The following TTC19 variants were observed in gnomAD, a reference collection of about 807,000 sequenced individuals.
TTC19 encodes tetratricopeptide repeat protein 19, mitochondrial.
Under a neutral mutation model 49.5 loss-of-function variants are expected in TTC19, and 38 were observed. The ratio of observed to expected loss-of-function variants is 0.77; its 90% CI spans 0.59 to 1.01. The LOEUF (loss-of-function observed/expected upper bound fraction) is 1.01, where lower values mean the gene tolerates loss of function less well. Among genes scored for constraint, TTC19 ranks in the 50% least tolerant of loss-of-function variants. The pLI, the probability that TTC19 is intolerant of heterozygous loss-of-function variation, is 0.00. For synonymous variants in TTC19, 204 were observed against 185.2 expected (o/e 1.10, Z -0.83); for missense variants, 475 against 477.7 (o/e 0.99, Z 0.05).
Position 15,999,836 on chromosome 17 carries a change from A to G in TTC19, c.-13A>G, listed in dbSNP as rs1009121445. On this transcript the variant is annotated 5_prime_UTR_variant, in exon 1 of 10. Transcript: ENST00000261647. ...GCGTCTGGCCTGCAGTGCGCAGAGG[A>G]CGCGGCGGGAGCATGTTCCGGCTCC... The G allele has an allele frequency of 2.0e-6, 3 of 1,532,738 alleles. No individual in the cohort carries two copies. The highest frequency in any genetic ancestry group is 1.7e-6 in the Non-Finnish European group (2 of 1,147,968). The allele number at this position is 1,532,738 out of a possible 1,614,324, so 94.9% of individuals were successfully genotyped here.
intron 2 of TTC19, 84 bp from the exon 3 acceptor site, chr17:16,001,830 GA>G: frequency 1.2e-6 from 1 of 864,472 alleles, no homozygotes; most frequent in South Asian, 1.4e-5. Flanking sequence ...TATCAGTTGG[GA>G]TGTACAGTTG....
At chr17:16,003,765 A>C in intron 4 of TTC19, 66 bp from the exon 5 acceptor site, 1 of 1,399,322 alleles carries the variant, frequency 7.1e-7, no homozygotes, top group Non-Finnish European at 9.9e-7. Context: ...CTTAGAATCC[A>C]GGGTCATATA....
At position 16,020,978 on chromosome 17, in the gene TTC19, C is replaced by T. The variant is rs146713750; in HGVS notation, c.677-4039C>T. Among the ~76,000 whole-genome samples, 464 of 152,278 alleles carry T rather than the reference C, an allele frequency of 3.0e-3. 4 individuals carry two copies. Among genetic ancestry groups the T allele is most frequent in the African/African-American group, 0.01 (431 of 41,550 alleles). On this transcript the variant is annotated intron_variant, in intron 7 of 9. Coordinates refer to ENST00000261647, the MANE Select transcript of TTC19 (RefSeq NM_017775.4). ...ACAGGATTGCAGGTGTGAGCCACCA[C>T]GCCTAGCCCTTTTATAATTCCTTCT...
chr17:16,041,404 CTTTTTTTTTTT>C (rs3031059), intron 2 of TTC19: 2 of 103,790 alleles, frequency 1.9e-5, no homozygotes, highest in Non-Finnish European at 3.8e-5. Flanking sequence ...TGTGAAAGTT[CTTTTTTTTTTT>C]TTTTTTTCCT....
rs949439580 is a variant in TTC19, at chr17:16,044,799, T to C, written c.*244T>C. ...GCCAATGTCAACATTGGGAGCCTCA[T>C]CTACAATGTAGGGGCTGGTGGACCT... is the stretch of plus-strand genomic sequence containing the variant. On this transcript the variant is annotated 3_prime_UTR_variant, in exon 3 of 3. Transcript: ENST00000470649. The C allele has an allele frequency of 7.1e-5, 79 of 1,118,304 alleles. 1 individual carries two copies. In the African/African-American group the frequency reaches 9.8e-4, roughly 14 times the overall value. 69.3% of individuals were successfully genotyped at this position (1,118,304 alleles called of 1,614,324 possible).
chr17:16,024,803 A>G (rs1424095080), intron 7 of TTC19: 1 of 574,590 alleles, frequency 1.7e-6, no homozygotes, highest in Non-Finnish European at 3.1e-6. Context: ...TAAAAATAAC[A>G]TTCCACATTT....
At position 16,027,807 on chromosome 17, in the gene TTC19, T is replaced by C. The variant is rs750009953; in HGVS notation, c.*285T>C. 1.2e-4 allele frequency: 61 copies of C among 515,158 alleles called. No individual in the cohort carries two copies. Among genetic ancestry groups the C allele is most frequent in the Middle Eastern group, 5.4e-4 (1 of 1,842 alleles). 31.9% of individuals were successfully genotyped at this position (515,158 alleles called of 1,614,324 possible). A position where few individuals can be genotyped will look rare whatever the true frequency, so the allele number is the denominator to read the frequency against. On this transcript the variant is annotated 3_prime_UTR_variant, in exon 10 of 10. Transcript: ENST00000261647. ...GTCCCTGCTGGTCTAAGTAGAACTG[T>C]AGATTCATATGGGCTGGTGTTCCTG...
chr17:16,035,875 C>T (rs1409407790), intron 2 of TTC19, among the ~76,000 whole-genome samples: 1 of 152,102 alleles, frequency 6.6e-6, no homozygotes, highest in Admixed American at 6.6e-5. Flanking sequence ...TGCAGTGACT[C>T]CCTCCACTGA....
At position 16,002,215 on chromosome 17, in the gene TTC19, G is replaced by C. The variant is rs530609915; in HGVS notation, c.423+190G>C. Among the ~76,000 whole-genome samples the C allele has an allele frequency of 1.7e-4, 26 of 152,282 alleles. 1 individual carries two copies. The highest frequency in any genetic ancestry group is 6.0e-4 in the African/African-American group (25 of 41,552). On this transcript the variant is annotated intron_variant, in intron 3 of 9. Transcript: ENST00000261647. Reference sequence around the variant, plus strand: ...TTTTTTTGAGATGGAGCCTCACTCTGTTGCCCAGGCTGCAGTGCAGTGGCA... The same window carrying C: ...TTTTTTTGAGATGGAGCCTCACTCTCTTGCCCAGGCTGCAGTGCAGTGGCA...
At chr17:16,030,353 C>A, downstream of TTC19, 1 of 218,430 alleles carries the variant, frequency 4.6e-6, no homozygotes, top group Admixed American at 5.8e-5. Context: ...AGTTCAAACC[C>A]GTGTTGTTCA....
chr17:16,009,941 G>T (rs934011132), intron 7 of TTC19, among the ~76,000 whole-genome samples: 2 of 151,954 alleles, frequency 1.3e-5, no homozygotes, highest in African/African-American at 4.8e-5. Context: ...CAAAATACAG[G>T]CAGTGATTCT....
intron 6 of TTC19, 81 bp from the exon 7 acceptor site, chr17:16,006,391 CAA>C (rs1347619438): frequency 1.9e-6 from 2 of 1,032,282 alleles, no homozygotes; most frequent in African/African-American, 1.6e-5. Context: ...GCCTGGGCAA[CAA>C]GAGCGAAACT....
At chr17:16,021,645 A>G (rs1016813270) in intron 7 of TTC19, among the ~76,000 whole-genome samples, 34 of 151,896 alleles carry the variant, frequency 2.2e-4, no homozygotes, top group Admixed American at 2.2e-3. Flanking sequence ...GAAAAAAATT[A>G]CAGACAAAGG....
intron 7 of TTC19, among the ~76,000 whole-genome samples, chr17:16,010,674 A>G (rs922522315): frequency 1.8e-4 from 28 of 151,418 alleles, no homozygotes; most frequent in African/African-American, 6.6e-4. Context: ...GGGTTTTACC[A>G]TGTTAGCCAG....
intron 7 of TTC19, 37 bp from the exon 8 acceptor site, chr17:16,024,980 A>G: frequency 6.2e-7 from 1 of 1,610,358 alleles, no homozygotes; most frequent in Non-Finnish European, 8.5e-7. Context: ...GGTAACAACC[A>G]TTTGGGTAGA....
chr17:16,045,002 A>G (rs564026399), exon 3 of TTC19: 8 of 465,106 alleles, frequency 1.7e-5, no homozygotes, highest in Admixed American at 1.4e-4. Flanking sequence ...AACTTAAGAA[A>G]AAAAAAAAAA....
At chr17:16,039,328 A>G in intron 2 of TTC19, 1 of 1,089,520 alleles carries the variant, frequency 9.2e-7, no homozygotes, top group Non-Finnish European at 1.3e-6. Context: ...GACTCTGAGC[A>G]CATAAAGACA....
intron 2 of TTC19, chr17:16,040,691 A>G (rs1264874957): frequency 1.7e-6 from 1 of 604,022 alleles, no homozygotes; most frequent in Non-Finnish European, 3.0e-6. Flanking sequence ...TGCCCAGGCT[A>G]TTTTTAAAGG....
intron 2 of TTC19, among the ~76,000 whole-genome samples, chr17:16,001,280 T>C (rs959733517): frequency 2.6e-5 from 4 of 152,176 alleles, no homozygotes; most frequent in African/African-American, 9.6e-5. Flanking sequence ...AACCAGCATA[T>C]ACCTTGCCCA....
Sources: allele counts gnomAD v4.1 joint callset (sites outside exome capture counted in the v4.1 genomes callset), GRCh38; gene constraint gnomAD v4.1.1; transcripts MANE v1.5; gene names NCBI Gene and HGNC (gene_info 2026-07-23, HGNC 2026-07-21).